Variants in KDM1A observed in about 807,000 individuals in gnomAD.
KDM1A encodes lysine demethylase 1A.
In KDM1A, 49 loss-of-function variants were observed where a neutral mutation model predicts 109.4. The observed-to-expected ratio is 0.45, with a 90% CI of 0.36 to 0.57. The LOEUF is 0.57. Among genes scored for constraint, KDM1A ranks in the 20% least tolerant of loss-of-function variants. The probability of loss-of-function intolerance (pLI) is 0.00; values close to 1 mark genes in which losing one functional copy is unlikely to be tolerated. For synonymous variants in KDM1A, 380 were observed against 415.4 expected (o/e 0.91, Z 1.04); for missense variants, 668 against 1,116.6 (o/e 0.60, Z 5.73).
chr1:23,057,041 C>A (rs141118696), intron 7 of KDM1A, among the ~76,000 whole-genome samples: 22 of 152,060 alleles, frequency 1.4e-4, no homozygotes, highest in African/African-American at 5.1e-4. Flanking sequence ...GATTTTTCCC[C>A]GCTAACTTTG....
At chr1:23,046,112 A>G (rs1284277435) in intron 3 of KDM1A, among the ~76,000 whole-genome samples, 1 of 152,138 alleles carries the variant, frequency 6.6e-6, no homozygotes, top group Non-Finnish European at 1.5e-5. Context: ...TATTTTATGG[A>G]TTAGGATCTG....
intron 3 of KDM1A, among the ~76,000 whole-genome samples, chr1:23,049,786 G>A (rs975008003): frequency 6.6e-6 from 1 of 151,842 alleles, no homozygotes; most frequent in African/African-American, 2.4e-5. Flanking sequence ...AATATTAGTA[G>A]TATATAGTAA....
rs568271378 is a variant in KDM1A at position 23,074,521 on chromosome 1, TTTACC to T, written c.1734+1120_1734+1124del. Among the ~76,000 whole-genome samples the T allele has an allele frequency of 2.7e-3, 406 of 152,254 alleles. 4 individuals are homozygous for T. Among genetic ancestry groups the T allele is most frequent in the African/African-American group, 9.1e-3 (376 of 41,542 alleles). ...GTGTGATCATGGCTCCCTTGCAGCC[TTTACC>T]TCCTGGGCTCAAGTGATCTTCCTGC... On this transcript the variant is annotated intron_variant, in intron 15 of 20. Coordinates refer to ENST00000400181, the MANE Select transcript of KDM1A (RefSeq NM_001009999.3).
In KDM1A at chr1:23,019,647, A is replaced by G; in HGVS notation, c.51A>G (p.Ala17=). ...AAAAAAAAAA[A]ATGTEAGPGT... The stretch of plus-strand genomic sequence containing the variant: ...CCGCGGCGGCGGCGGCTGCAGCGGC[A>G]GCAACCGGGACGGAGGCTGGCCCTG... The change falls in exon 1 of 21, where the codon GCA becomes GCG. Residue 17 remains alanine (A), a synonymous_variant. Coordinates refer to ENST00000400181, the MANE Select transcript of KDM1A (RefSeq NM_001009999.3). 1 of 1,411,490 alleles carries G rather than the reference A, an allele frequency of 7.1e-7. No homozygotes were observed. The highest frequency in any genetic ancestry group is 9.2e-7 in the Non-Finnish European group (1 of 1,089,994). 87.4% of individuals were successfully genotyped at this position (1,411,490 alleles called of 1,614,324 possible). A position where few individuals can be genotyped will look rare whatever the true frequency, so the allele number is the denominator to read the frequency against.
intron 1 of KDM1A, among the ~76,000 whole-genome samples, chr1:23,027,352 T>C (rs1641835922): frequency 6.6e-6 from 1 of 151,920 alleles, no homozygotes; most frequent in Non-Finnish European, 1.5e-5. Context: ...TTATGAAGTA[T>C]TGTGGCAGTC....
chr1:23,054,920 C>T, intron 5 of KDM1A, 149 bp from the exon 6 acceptor site: 1 of 566,994 alleles, frequency 1.8e-6, no homozygotes, highest in East Asian at 2.9e-5. Flanking sequence ...AGCCACCGTG[C>T]CCAGCCTTAG....
chr1:23,082,473 C>T (rs1280556698), intron 20 of KDM1A, 107 bp downstream of exon 20: 22 of 1,090,016 alleles, frequency 2.0e-5, no homozygotes, highest in Non-Finnish European at 2.8e-5. Flanking sequence ...CATCTTCGGA[C>T]CCTTTCAGAT....
At chr1:23,022,183 G>A (rs1387249110) in intron 1 of KDM1A, among the ~76,000 whole-genome samples, 1 of 152,106 alleles carries the variant, frequency 6.6e-6, no homozygotes, top group East Asian at 1.9e-4. Flanking sequence ...TTTGGGTGTG[G>A]GCCTAGGAAT....
At chr1:23,053,548 G>A (rs1642735854) in intron 4 of KDM1A, among the ~76,000 whole-genome samples, 1 of 152,018 alleles carries the variant, frequency 6.6e-6, no homozygotes, top group Non-Finnish European at 1.5e-5. Context: ...ACCATACCCA[G>A]CCAGTTTTTA....
At chr1:23,066,144 A>G (rs1001222197) in intron 10 of KDM1A, 73 bp downstream of exon 10, 5 of 1,036,978 alleles carry the variant, frequency 4.8e-6, no homozygotes, top group Non-Finnish European at 7.4e-6. Context: ...TGAAACCTAA[A>G]TCTTTTCCTT....
intron 4 of KDM1A, among the ~76,000 whole-genome samples, 182 bp from the exon 5 acceptor site, chr1:23,053,579 T>A (rs1429892846): frequency 6.6e-6 from 1 of 152,044 alleles, no homozygotes; most frequent in Non-Finnish European, 1.5e-5. Flanking sequence ...TGAGATGGGG[T>A]CTCACTATAT....
chr1:23,040,430 G>C (rs1336635122), intron 2 of KDM1A, among the ~76,000 whole-genome samples: 1 of 152,146 alleles, frequency 6.6e-6, no homozygotes, highest in Non-Finnish European at 1.5e-5. Flanking sequence ...CTGAAAGGCT[G>C]TTATGTAAGA....
intron 2 of KDM1A, among the ~76,000 whole-genome samples, chr1:23,036,497 G>A (rs1014306822): frequency 7.2e-6 from 1 of 138,228 alleles, no homozygotes; most frequent in Admixed American, 8.7e-5. Flanking sequence ...AACACATTTC[G>A]GTGTTCTGAT....
chr1:23,027,685 G>A (rs980306716), intron 1 of KDM1A, among the ~76,000 whole-genome samples: 1 of 149,036 alleles, frequency 6.7e-6, no homozygotes, highest in Admixed American at 6.7e-5. Flanking sequence ...TCCTTCCAAA[G>A]TACTGAGATT....
rs17369918 is a variant in KDM1A at position 23,075,293 on chromosome 1, G to A, written c.1734+1890G>A. Among the ~76,000 whole-genome samples, 616 of 152,306 alleles carry A rather than the reference G, an allele frequency of 4.0e-3. 3 individuals are homozygous for A. The highest frequency in any genetic ancestry group is 6.5e-3 in the Admixed American group (99 of 15,304). On this transcript the variant is annotated intron_variant, in intron 15 of 20. Coordinates refer to ENST00000400181, the MANE Select transcript of KDM1A (RefSeq NM_001009999.3). ...AATCTGAGACTTTGGCCAGAATTAA[G>A]ACTGTATAGGCTGGGTACGGTGGCT...
intron 2 of KDM1A, among the ~76,000 whole-genome samples, chr1:23,042,650 C>T (rs1242552022): frequency 1.3e-5 from 2 of 150,558 alleles, no homozygotes; most frequent in African/African-American, 4.9e-5. Context: ...GACGGGGTTT[C>T]ACCGTTTTAG....
chr1:23,071,980 C>G (rs1643334189), intron 13 of KDM1A, 144 bp from the exon 14 acceptor site: 2 of 594,692 alleles, frequency 3.4e-6, no homozygotes, highest in Admixed American at 3.1e-5. Flanking sequence ...TCAGCTCTAT[C>G]TAACCCCAGC....
intron 16 of KDM1A, among the ~76,000 whole-genome samples, chr1:23,077,793 T>TATTCCTA (rs1643508629): frequency 6.6e-6 from 1 of 152,202 alleles, no homozygotes; most frequent in Non-Finnish European, 1.5e-5. Flanking sequence ...CCACCCCTTA[T>TATTCCTA]ATTTCACCAT....
chr1:23,032,385 G>A (rs778854495), intron 2 of KDM1A, among the ~76,000 whole-genome samples: 1 of 149,048 alleles, frequency 6.7e-6, no homozygotes, highest in Admixed American at 6.7e-5. Context: ...TTTCATAAAC[G>A]TCAGGTATTG....
Sources: gnomAD v4.1 joint callset for allele counts (sites outside exome capture counted in the v4.1 genomes callset) on GRCh38, gnomAD v4.1.1 for gene constraint, MANE v1.5 for transcripts, NCBI Gene and HGNC (gene_info 2026-07-23, HGNC 2026-07-21) for gene names.